NRXN1: variants seen among roughly 807,000 people sequenced by gnomAD.
The protein encoded by NRXN1 is neurexin-1.
In NRXN1, 39 loss-of-function variants were observed where a neutral mutation model predicts 150.9. The ratio of observed to expected loss-of-function variants is 0.26; its 90% CI spans 0.20 to 0.34. The LOEUF is 0.34. Among genes scored for constraint, NRXN1 ranks in the 10% least tolerant of loss-of-function variants. The pLI is 1.00. For missense variants in NRXN1, 1,815 were observed against 1,949.9 expected, an observed-to-expected ratio of 0.93 and a Z score of 1.30; for synonymous variants, 924 against 757.0, an observed-to-expected ratio of 1.22 and a Z score of -3.62.
intron 5 of NRXN1, among the ~76,000 whole-genome samples, chr2:50,719,259 C>A (rs1412447486): frequency 6.6e-6 from 1 of 150,982 alleles, no homozygotes; most frequent in Non-Finnish European, 1.5e-5. Context: ...ATAATCCATG[C>A]AATGGTTTGA....
intron 2 of NRXN1, among the ~76,000 whole-genome samples, chr2:50,928,209 G>A (rs542036701): frequency 1.9e-4 from 29 of 151,144 alleles, no homozygotes; most frequent in Non-Finnish European, 3.1e-4. Flanking sequence ...AGAAAATTTA[G>A]ATTTAGAAAA....
At chr2:49,968,186 GCAAA>G (rs1677290147) in intron 21 of NRXN1, among the ~76,000 whole-genome samples, 1 of 151,568 alleles carries the variant, frequency 6.6e-6, no homozygotes, top group African/African-American at 2.4e-5. Flanking sequence ...GTAGAATAAG[GCAAA>G]CAAAGAATTA....
At chr2:50,488,616 TG>T (rs1183955209) in intron 15 of NRXN1, among the ~76,000 whole-genome samples, 10 of 152,284 alleles carry the variant, frequency 6.6e-5, no homozygotes, top group South Asian at 2.1e-4. Context: ...TTCTTGTCCG[TG>T]GGTTCCTGTA....
At chr2:51,020,117 T>C (rs898955963) in intron 2 of NRXN1, among the ~76,000 whole-genome samples, 9 of 151,764 alleles carry the variant, frequency 5.9e-5, no homozygotes, top group African/African-American at 2.2e-4. Context: ...ATTTTACGTA[T>C]ATAGTTCAGT....
intron 9 of NRXN1, among the ~76,000 whole-genome samples, chr2:50,549,587 CTT>C (rs1220920766): frequency 6.6e-6 from 1 of 152,144 alleles, no homozygotes; most frequent in Non-Finnish European, 1.5e-5. Flanking sequence ...ACAACACTTC[CTT>C]AGAACGTGTT....
intron 18 of NRXN1, among the ~76,000 whole-genome samples, chr2:50,148,048 G>C (rs1024222767): frequency 6.6e-6 from 1 of 151,650 alleles, no homozygotes; most frequent in Non-Finnish European, 1.5e-5. Context: ...AATGGTGCTT[G>C]CTGACTGTCA....
chr2:50,044,418 G>T (rs991969782), intron 21 of NRXN1, among the ~76,000 whole-genome samples: 1 of 152,080 alleles, frequency 6.6e-6, no homozygotes, highest in Admixed American at 6.6e-5. Flanking sequence ...GAAGCTTTCC[G>T]CAAATGCAAC....
chr2:50,624,397 A>T (rs924313897), intron 5 of NRXN1, among the ~76,000 whole-genome samples: 1 of 152,128 alleles, frequency 6.6e-6, no homozygotes, highest in African/African-American at 2.4e-5. Context: ...CACTCTGCTG[A>T]CAACAATGGA....
intron 5 of NRXN1, among the ~76,000 whole-genome samples, chr2:50,820,911 C>T (rs1001167877): frequency 6.6e-6 from 1 of 152,104 alleles, no homozygotes; most frequent in African/African-American, 2.4e-5. Flanking sequence ...TAGGGATAAA[C>T]AAGTAAATTA....
intron 21 of NRXN1, among the ~76,000 whole-genome samples, chr2:49,995,237 A>T (rs1050289641): frequency 1.3e-5 from 2 of 152,220 alleles, no homozygotes; most frequent in Admixed American, 6.5e-5. Context: ...AATTTCTTCC[A>T]ATTAGATATA....
chr2:51,016,734 C>G (rs1447781434), intron 2 of NRXN1, among the ~76,000 whole-genome samples: 1 of 152,086 alleles, frequency 6.6e-6, no homozygotes, highest in South Asian at 2.1e-4. Context: ...TACCATTTGA[C>G]CCAGCAATCT....
intron 17 of NRXN1, among the ~76,000 whole-genome samples, chr2:50,284,475 A>G (rs2071856167): frequency 6.6e-6 from 1 of 152,132 alleles, no homozygotes; most frequent in Non-Finnish European, 1.5e-5. Flanking sequence ...TTAAAATTAC[A>G]ACACCTTGGG....
intron 21 of NRXN1, among the ~76,000 whole-genome samples, chr2:49,994,545 A>G (rs1286438058): frequency 6.6e-6 from 1 of 152,222 alleles, no homozygotes; most frequent in African/African-American, 2.4e-5. Flanking sequence ...CTACACCGGT[A>G]AGAGTTGTTG....
chr2:50,568,109 C>T (rs1009731713), intron 8 of NRXN1, among the ~76,000 whole-genome samples: 2 of 152,004 alleles, frequency 1.3e-5, no homozygotes, highest in African/African-American at 4.8e-5. Context: ...AGAAACAAAC[C>T]AAGCCTCTCA....
intron 18 of NRXN1, among the ~76,000 whole-genome samples, chr2:50,186,022 G>C (rs2061046668): frequency 1.3e-5 from 2 of 151,904 alleles, no homozygotes. Context: ...GTTAAATACT[G>C]ATTTATAAAA....
chr2:49,985,384 C>T (rs1405352186), intron 21 of NRXN1, among the ~76,000 whole-genome samples: 1 of 152,092 alleles, frequency 6.6e-6, no homozygotes, highest in Admixed American at 6.6e-5. Context: ...AAGACTTTGG[C>T]TTGGTAAATA....
intron 21 of NRXN1, among the ~76,000 whole-genome samples, chr2:49,998,151 A>G (rs17039608): frequency 0.012 from 1,880 of 152,312 alleles, 23 homozygotes; most frequent in Middle Eastern, 0.02. Context: ...GGTCAAAAAT[A>G]TGAGTTAAGG....
At chr2:50,218,743 T>G (rs2063578559) in intron 18 of NRXN1, among the ~76,000 whole-genome samples, 1 of 151,954 alleles carries the variant, frequency 6.6e-6, no homozygotes, top group Non-Finnish European at 1.5e-5. Context: ...AGTGAGCCTC[T>G]AAGGGAAATA....
At chr2:50,385,177 A>G (rs2081244903) in intron 17 of NRXN1, among the ~76,000 whole-genome samples, 1 of 152,154 alleles carries the variant, frequency 6.6e-6, no homozygotes. Context: ...CAACTTTCCC[A>G]TTTTAAAAAT....
Sources: gnomAD v4.1 joint callset for allele counts (sites outside exome capture counted in the v4.1 genomes callset) on GRCh38, gnomAD v4.1.1 for gene constraint, MANE v1.5 for transcripts, NCBI Gene and HGNC (gene_info 2026-07-23, HGNC 2026-07-21) for gene names.